Variants in HCK observed in about 807,000 individuals in gnomAD.
The protein encoded by HCK is HCK proto-oncogene, Src family tyrosine kinase.
Under a neutral mutation model 70.4 loss-of-function variants are expected in HCK, and 40 were observed. The observed-to-expected ratio is 0.57, with a 90% CI of 0.44 to 0.74. The LOEUF (loss-of-function observed/expected upper bound fraction) is 0.74, where lower values mean the gene tolerates loss of function less well. Ranked by LOEUF, HCK falls within the 30% of genes least tolerant of loss-of-function variation. The pLI is 0.00. For missense variants in HCK, 568 were observed against 697.2 expected, an observed-to-expected ratio of 0.81 and a Z score of 2.09; for synonymous variants, 245 against 263.2, an observed-to-expected ratio of 0.93 and a Z score of 0.67.
chr20:32,057,976 C>T (rs369900759), intron 1 of HCK, among the ~76,000 whole-genome samples: 6 of 152,160 alleles, frequency 3.9e-5, no homozygotes, highest in African/African-American at 9.7e-5. Flanking sequence ...GATGGCACTG[C>T]GCTAGGACGT....
intron 1 of HCK, among the ~76,000 whole-genome samples, chr20:32,068,968 G>A (rs1185416929): frequency 6.6e-6 from 1 of 152,022 alleles, no homozygotes; most frequent in Non-Finnish European, 1.5e-5. Context: ...ACTTTATTGT[G>A]CAAAAATGGA....
intron 11 of HCK, among the ~76,000 whole-genome samples, chr20:32,098,128 A>G (rs1600751212): frequency 1.3e-5 from 2 of 150,634 alleles, no homozygotes; most frequent in South Asian, 4.2e-4. Context: ...GTTCACTGCA[A>G]CCTCCATCCC....
intron 8 of HCK, among the ~76,000 whole-genome samples, chr20:32,085,235 G>A (rs1228302216): frequency 3.3e-5 from 5 of 152,204 alleles, no homozygotes; most frequent in Non-Finnish European, 5.9e-5. Flanking sequence ...ATGCAAGGCC[G>A]GGCACAGTGG....
rs112141547 is a variant in HCK at position 32,083,810 on chromosome 20, A to G, written c.533-84A>G. ...CAGGTGTCAGGACGGTGCCAGCGGTAGCCTTACAGGGTGTCAGAGTGCTAA... is the reference window on the plus strand; with the variant it reads ...CAGGTGTCAGGACGGTGCCAGCGGTGGCCTTACAGGGTGTCAGAGTGCTAA... On this transcript the variant is annotated intron_variant, in intron 6 of 12. Coordinates refer to ENST00000375852, the MANE Select transcript of HCK (RefSeq NM_002110.5). The G allele has an allele frequency of 3.5e-5, 53 of 1,510,752 alleles. 1 individual carries two copies. In the Admixed American group the frequency reaches 8.8e-4, roughly 25 times the overall value. The allele number at this position is 1,510,752 out of a possible 1,614,324, so 93.6% of individuals were successfully genotyped here.
chr20:32,057,936 C>T (rs927817490), intron 1 of HCK, among the ~76,000 whole-genome samples: 3 of 152,116 alleles, frequency 2.0e-5, no homozygotes, highest in Admixed American at 6.5e-5. Context: ...GTCTTGGCCC[C>T]GGCTGTGGTC....
At position 32,052,421 on chromosome 20, in the gene HCK, C is replaced by A; in HGVS notation, c.-4C>A. 1 of 1,284,424 alleles carries A rather than the reference C, an allele frequency of 7.8e-7. No homozygotes were observed. The highest frequency in any genetic ancestry group is 9.9e-7 in the Non-Finnish European group (1 of 1,006,536). 79.6% of individuals were successfully genotyped at this position (1,284,424 alleles called of 1,614,324 possible). A position where few individuals can be genotyped will look rare whatever the true frequency, so the allele number is the denominator to read the frequency against. On this transcript the variant is annotated 5_prime_UTR_variant, in exon 1 of 13. Coordinates refer to ENST00000375852, the MANE Select transcript of HCK (RefSeq NM_002110.5). ...GGCACCCCGGAACCTCAGGGGCTGC[C>A]GAGCTGGGGGGGCGCTCAAGCTGCG... is the stretch of plus-strand genomic sequence containing the variant.
intron 5 of HCK, 112 bp downstream of exon 5, chr20:32,074,833 G>C: frequency 1.4e-6 from 1 of 722,808 alleles, no homozygotes; most frequent in East Asian, 2.7e-5. Context: ...ACTCTTCCCA[G>C]GGCTCTGGGC....
intron 1 of HCK, among the ~76,000 whole-genome samples, chr20:32,052,804 T>TGGGGGG (rs1555873133): frequency 8.2e-6 from 1 of 121,708 alleles, no homozygotes; most frequent in Admixed American, 7.9e-5. Context: ...GGGATTTTTT[T>TGGGGGG]TTTAATTTAA....
rs151045621 is a variant in HCK, at chr20:32,071,703, A to C, written c.104A>C (p.Asn35Thr). 1 of 1,614,126 alleles carries C rather than the reference A, an allele frequency of 6.2e-7. No individual in the cohort carries two copies. Residue 35 changes from asparagine to threonine, a missense_variant, in exon 2 of 13, where the codon AAT (asparagine) becomes ACT (threonine). Asn to Thr is a moderately conservative substitution (Grantham distance 65, BLOSUM62 0). Transcript: ENST00000375852. ...TCCAAGTTCCTCCAGGTCGGAGGCA[A>C]TACATTCTCAAAAACTGAAACCAGC...
At chr20:32,058,605 A>AACACAC (rs60349531) in intron 1 of HCK, among the ~76,000 whole-genome samples, 51,853 of 142,102 alleles carry the variant, frequency 0.36, 10,036 homozygotes, top group East Asian at 0.62. Context: ...TTTATGTCAA[A>AACACAC]ACACACACAC....
intron 10 of HCK, among the ~76,000 whole-genome samples, chr20:32,090,628 G>A (rs896282791): frequency 6.6e-6 from 1 of 152,124 alleles, no homozygotes; most frequent in East Asian, 1.9e-4. Context: ...TTCCAGCTCT[G>A]ATGCTGTGAC....
chr20:32,056,454 T>A (rs1335978027), intron 1 of HCK, among the ~76,000 whole-genome samples: 1 of 151,688 alleles, frequency 6.6e-6, no homozygotes, highest in Non-Finnish European at 1.5e-5. Context: ...AGGCGGAGCT[T>A]GCAGTGAGCC....
At position 32,093,867 on chromosome 20, in the gene HCK, C is replaced by T. The variant is rs1309550404; in HGVS notation, c.1097C>T (p.Ala366Val). 2 of 1,610,550 alleles carry T rather than the reference C, an allele frequency of 1.2e-6. No individual in the cohort carries two copies. Among genetic ancestry groups the T allele is most frequent in the East Asian group, 2.2e-5 (1 of 44,860 alleles). The stretch of plus-strand genomic sequence containing the variant: ...GTGTCTCTGTTTGGGGTGCAGATTG[C>T]AGAAGGCATGGCCTTCATCGAGCAG... The change falls in exon 11 of 13, where the codon GCA (alanine) becomes GTA (valine). Residue 366 changes from alanine (A) to valine (V), a missense_variant. Physicochemically the swap from Ala to Val is moderately conservative, Grantham distance 64. Around this residue, in one of 4 missense-constraint regions of HCK, gnomAD observed 160 missense variants for 237.5 expected, o/e 0.67. Transcript: ENST00000375852.
intron 1 of HCK, among the ~76,000 whole-genome samples, chr20:32,061,243 A>G (rs910986301): frequency 2.6e-5 from 4 of 152,290 alleles, no homozygotes; most frequent in African/African-American, 9.6e-5. Context: ...TGGCCTCCCA[A>G]AGTGCTGGGA....
At chr20:32,096,130 T>A (rs2045951468) in intron 11 of HCK, among the ~76,000 whole-genome samples, 1 of 151,714 alleles carries the variant, frequency 6.6e-6, no homozygotes. Context: ...CCTCAAGTGA[T>A]TCACCCACCT....
At chr20:32,096,762 A>G (rs1434460806) in intron 11 of HCK, among the ~76,000 whole-genome samples, 1 of 152,054 alleles carries the variant, frequency 6.6e-6, no homozygotes, top group African/African-American at 2.4e-5. Flanking sequence ...TCAGGCTCTG[A>G]AAGTGCTAGG....
At chr20:32,067,532 T>TA (rs964988119) in intron 1 of HCK, among the ~76,000 whole-genome samples, 3 of 12,978 alleles carry the variant, frequency 2.3e-4, no homozygotes, top group African/African-American at 2.9e-4. Flanking sequence ...ATGCTTTTAC[T>TA]TTTTTTTTTT....
chr20:32,067,531 CTTTTT>C (rs11482239), intron 1 of HCK, among the ~76,000 whole-genome samples: 8 of 110,332 alleles, frequency 7.3e-5, no homozygotes, highest in East Asian at 2.6e-4. Flanking sequence ...GATGCTTTTA[CTTTTT>C]TTTTTTTTTT....
intron 8 of HCK, 133 bp from the exon 9 acceptor site, chr20:32,086,495 C>T (rs185469906): frequency 7.4e-4 from 530 of 720,502 alleles, no homozygotes; most frequent in Non-Finnish European, 1.0e-3. Flanking sequence ...CCCATGATTT[C>T]GCTTCCCTCT....
Sources: allele counts gnomAD v4.1 joint callset (sites outside exome capture counted in the v4.1 genomes callset), GRCh38; gene constraint gnomAD v4.1.1; regional missense constraint gnomAD v4.1.1; transcripts MANE v1.5; gene names NCBI Gene and HGNC (gene_info 2026-07-23, HGNC 2026-07-21).